The following TAF4 variants were observed in gnomAD, a reference collection of about 807,000 sequenced individuals.
TAF4 encodes TATA-box binding protein associated factor 4.
TAF4 carries 9 observed loss-of-function variants against 90.3 expected under a neutral mutation model. The observed-to-expected ratio is 0.10, with a 90% CI of 0.06 to 0.17. The LOEUF (loss-of-function observed/expected upper bound fraction) is 0.17, where lower values mean the gene tolerates loss of function less well. TAF4 is among the 10% of genes least tolerant of loss of function. TAF4 has a pLI of 1.00. For synonymous variants in TAF4, 818 were observed against 638.9 expected (o/e 1.28, Z -4.23); for missense variants, 1,351 against 1,370.7 (o/e 0.99, Z 0.23).
intron 14 of TAF4, among the ~76,000 whole-genome samples, chr20:61,989,553 C>T (rs2055617625): frequency 1.1e-5 from 1 of 93,842 alleles, no homozygotes; most frequent in Non-Finnish European, 2.1e-5. Context: ...ATGAGGGATC[C>T]CGGCACCCAC....
Position 62,065,490 on chromosome 20 carries a change from G to C in TAF4, c.321C>G (p.Pro107=), listed in dbSNP as rs1490850369. ...GGACAAGGGGGCGGCGCGGTGAGGG[G>C]GGGCCCGGGCGCTGCGGCCCCCCGC... The part of the protein sequence containing the change: ...PGGGGPQRPG[P]PSPRRPLVPA... The change falls in exon 1 of 15, where the codon CCC becomes CCG. Residue 107 remains proline, a synonymous_variant. Transcript: ENST00000252996. 10 of 971,104 alleles carry C rather than the reference G, an allele frequency of 1.0e-5. No homozygotes were observed. The highest frequency in any genetic ancestry group is 1.2e-5 in the Non-Finnish European group (10 of 820,302). The allele number at this position is 971,104 out of a possible 1,614,324, so 60.2% of individuals were successfully genotyped here.
intron 1 of TAF4, among the ~76,000 whole-genome samples, chr20:62,040,863 G>A (rs2055959891): frequency 1.3e-5 from 2 of 152,216 alleles, no homozygotes; most frequent in East Asian, 1.9e-4. Flanking sequence ...ACGTCTACAC[G>A]TATGTTCGCA....
intron 1 of TAF4, among the ~76,000 whole-genome samples, chr20:62,022,581 A>C (rs1473755233): frequency 2.0e-5 from 3 of 152,136 alleles, no homozygotes; most frequent in African/African-American, 4.8e-5. Context: ...CCAGATGTGG[A>C]AAGGGCCCCT....
At position 62,065,059 on chromosome 20, in the gene TAF4, G is replaced by T. The variant is rs1342759672; in HGVS notation, c.752C>A (p.Ala251Glu). ...PPFVGAAAPP[A>E]PAAPSPPAAP... is the part of the protein sequence containing the mutation. ...GGCGGGGGGCGAGGGCGCGGCGGGC[G>T]CGGGGGGCGCGGCGGCGCCCACGAA... is the stretch of plus-strand genomic sequence containing the variant. The change falls in exon 1 of 15, where the codon GCG becomes GAG. Residue 251 changes from alanine to glutamate, a missense_variant. By Grantham distance (107) the Ala-to-Glu change is moderately radical. This residue lies in a region of TAF4 where 782 missense variants were observed against 536.6 expected (regional missense o/e 1.46). Coordinates refer to ENST00000252996, the MANE Select transcript of TAF4 (RefSeq NM_003185.4). 1 of 836,832 alleles carries T rather than the reference G, an allele frequency of 1.2e-6. No individual in the cohort carries two copies. Among genetic ancestry groups the T allele is most frequent in the South Asian group, 5.3e-5 (1 of 18,880 alleles). 51.8% of individuals were successfully genotyped at this position (836,832 alleles called of 1,614,324 possible).
Position 62,065,607 on chromosome 20 carries a change from G to A in TAF4, c.204C>T (p.Ala68=). Reference sequence around the variant, plus strand: ...CGGCCGGCCCTGCGCCCGCGGCTCCGGCCGGGCTGCCGCTCACAACATGGT... The same window carrying A: ...CGGCCGGCCCTGCGCCCGCGGCTCCAGCCGGGCTGCCGCTCACAACATGGT... ...LGNHVVSGSP[A]GAAGAGPAAP... The change falls in exon 1 of 15, where the codon GCC becomes GCT. Residue 68 remains alanine, a synonymous_variant. Transcript: ENST00000252996. 2 of 996,650 alleles carry A rather than the reference G, an allele frequency of 2.0e-6. No homozygotes were observed. Among genetic ancestry groups the A allele is most frequent in the Non-Finnish European group, 2.4e-6 (2 of 839,932 alleles). 61.7% of individuals were successfully genotyped at this position (996,650 alleles called of 1,614,324 possible). A position where few individuals can be genotyped will look rare whatever the true frequency, so the allele number is the denominator to read the frequency against.
intron 14 of TAF4, among the ~76,000 whole-genome samples, chr20:61,990,498 A>C (rs1443087132): frequency 6.6e-6 from 1 of 152,206 alleles, no homozygotes; most frequent in Non-Finnish European, 1.5e-5. Flanking sequence ...AAGATGAACC[A>C]CAAGCAGCCA....
At chr20:62,029,028 C>T (rs1311154525) in intron 1 of TAF4, among the ~76,000 whole-genome samples, 5 of 151,990 alleles carry the variant, frequency 3.3e-5, no homozygotes, top group Admixed American at 1.3e-4. Flanking sequence ...AAACCCGTCT[C>T]CACTAAAAAT....
chr20:62,046,360 C>T (rs756459921), intron 1 of TAF4, among the ~76,000 whole-genome samples: 3 of 152,236 alleles, frequency 2.0e-5, no homozygotes, highest in Non-Finnish European at 2.9e-5. Context: ...AAAACATGTC[C>T]TAATGCCACA....
chr20:62,007,460 AGCATCCTCGCCCTGCACACTTGGT>A, intron 6 of TAF4, 63 bp downstream of exon 6: 8 of 1,303,250 alleles, frequency 6.1e-6, no homozygotes, highest in Non-Finnish European at 8.8e-6. Context: ...CCGTGCCTGG[AGCATCCTCGCCCTGCACACTTGGT>A]GCATCTGCGC....
chr20:62,028,692 TG>T (rs1370061285), intron 1 of TAF4, among the ~76,000 whole-genome samples: 1 of 152,180 alleles, frequency 6.6e-6, no homozygotes, highest in Non-Finnish European at 1.5e-5. Context: ...AACCCAAAGC[TG>T]CTTCTAAAAA....
rs1485615733 is a variant in TAF4, at chr20:62,003,841, C to T, written c.2261G>A (p.Arg754Gln). 5.0e-6 allele frequency: 8 copies of T among 1,592,046 alleles called. No individual in the cohort carries two copies. The highest frequency in any genetic ancestry group is 2.3e-5 in the East Asian group (1 of 44,282). The change falls in exon 8 of 15, where the codon CGG becomes CAG. Residue 754 changes from arginine to glutamine, a missense_variant. By Grantham distance (43) the Arg-to-Gln change is conservative (BLOSUM62 1). Transcript: ENST00000252996. ...CTGCGTCAACGTCACCTGCGGGGGC[C>T]GGATCAGGGCTCCTGGCTTCGGAGG... The part of the protein sequence containing the change: ...QQPPKPGALI[R>Q]PPQVTLTQTP...
intron 5 of TAF4, 132 bp downstream of exon 5, chr20:62,008,920 T>C (rs781343695): frequency 5.4e-5 from 69 of 1,275,030 alleles, no homozygotes; most frequent in Non-Finnish European, 6.8e-5. Context: ...ACCCCTCCCC[T>C]TCGCCTGCAG....
chr20:61,981,234 G>A (rs570665130), intron 14 of TAF4: 1 of 152,354 alleles, frequency 6.6e-6, no homozygotes, highest in African/African-American at 2.4e-5. Context: ...AAGGGACAGA[G>A]GCGGTAAAGC....
At chr20:62,035,695 A>T (rs2055928462) in intron 1 of TAF4, among the ~76,000 whole-genome samples, 3 of 152,250 alleles carry the variant, frequency 2.0e-5, no homozygotes, top group African/African-American at 7.2e-5. Context: ...AAAAGGAGAC[A>T]ATAGATACAT....
chr20:62,051,952 C>T (rs1356880255), intron 1 of TAF4, among the ~76,000 whole-genome samples: 1 of 152,198 alleles, frequency 6.6e-6, no homozygotes, highest in South Asian at 2.1e-4. Flanking sequence ...CCGCCTCCCA[C>T]CAGGCTCTAG....
chr20:62,009,112 T>A lies in TAF4; in HGVS notation c.1824A>T (p.Ser608=), dbSNP rs774727127. 4 of 1,614,012 alleles carry A rather than the reference T, an allele frequency of 2.5e-6. No individual in the cohort carries two copies. Among genetic ancestry groups the A allele is most frequent in the South Asian group, 2.2e-5 (2 of 90,960 alleles). ...CTGTCTCTGTAGACTGCTTGCCAGA[T>A]GAAGCCAGTTTTATTAACGTAGATA... ...NFLSTLIKLA[S]SGKQSTETAA... Residue 608 remains serine (S), a synonymous_variant, in exon 5 of 15, where the codon TCA becomes TCT. Coordinates refer to ENST00000252996, the MANE Select transcript of TAF4 (RefSeq NM_003185.4).
chr20:61,998,658 T>C (rs2055678662), intron 12 of TAF4, among the ~76,000 whole-genome samples: 1 of 152,170 alleles, frequency 6.6e-6, no homozygotes, highest in Admixed American at 6.6e-5. Context: ...GCTGTGAATG[T>C]TCTAGAACAA....
chr20:61,994,885 G>A (rs754485226), intron 14 of TAF4, among the ~76,000 whole-genome samples: 5 of 152,192 alleles, frequency 3.3e-5, no homozygotes, highest in Non-Finnish European at 5.9e-5. Flanking sequence ...CAGCCTGCCC[G>A]AGTAACAAGA....
Position 62,010,265 on chromosome 20 carries a change from C to T in TAF4, c.1642-100G>A, listed in dbSNP as rs927766746. ...CAGCAAAAGAAAACAAGCCTCCCTGCGGTGGCCAGGACGCCCAGGAAGCCA... is the reference window on the plus strand; with the variant it reads ...CAGCAAAAGAAAACAAGCCTCCCTGTGGTGGCCAGGACGCCCAGGAAGCCA... On this transcript the variant is annotated intron_variant, in intron 3 of 14. Transcript: ENST00000252996. This position sits in a 1 kb window ranked among gnomAD's most constrained non-coding sequence, Gnocchi z 4.5. 1.9e-6 allele frequency: 3 copies of T among 1,563,936 alleles called. No individual in the cohort carries two copies. Among genetic ancestry groups the T allele is most frequent in the South Asian group, 2.3e-5 (2 of 87,746 alleles).
Sources: allele counts gnomAD v4.1 joint callset (sites outside exome capture counted in the v4.1 genomes callset), GRCh38; gene constraint gnomAD v4.1.1; regional missense constraint gnomAD v4.1.1; non-coding constraint Gnocchi (gnomAD v3.1); transcripts MANE v1.5; gene names NCBI Gene and HGNC (gene_info 2026-07-23, HGNC 2026-07-21).